XRCC5: variants seen among roughly 807,000 people sequenced by gnomAD.
XRCC5 encodes DNA repair protein Ku80.
Under a neutral mutation model 95.7 loss-of-function variants are expected in XRCC5, and 12 were observed. The ratio of observed to expected loss-of-function variants is 0.13; its 90% confidence interval spans 0.08 to 0.20. The LOEUF (loss-of-function observed/expected upper bound fraction) is 0.20, where lower values mean the gene tolerates loss of function less well. Among genes scored for constraint, XRCC5 ranks in the 10% least tolerant of loss-of-function variants. The pLI is 1.00. For missense variants in XRCC5, 595 were observed against 873.9 expected (o/e 0.68, Z 4.02); for synonymous variants, 281 against 290.3 (o/e 0.97, Z 0.33).
At chr2:216,188,964 G>A (rs1350005095) in intron 16 of XRCC5, among the ~76,000 whole-genome samples, 2 of 152,136 alleles carry the variant, frequency 1.3e-5, no homozygotes, top group Non-Finnish European at 2.9e-5. Flanking sequence ...GGGATGAAAC[G>A]GTTACTGGGG....
intron 16 of XRCC5, among the ~76,000 whole-genome samples, chr2:216,184,370 T>A (rs1278448861): frequency 6.6e-6 from 1 of 152,248 alleles, no homozygotes; most frequent in Non-Finnish European, 1.5e-5. Flanking sequence ...TTAAATATGC[T>A]TTTGAACTTC....
chr2:216,200,668 G>C (rs909051602), intron 19 of XRCC5, among the ~76,000 whole-genome samples: 7 of 152,154 alleles, frequency 4.6e-5, no homozygotes, highest in Middle Eastern at 3.4e-3. Flanking sequence ...AGCCTCCCTG[G>C]TACCTTCCTA....
intron 16 of XRCC5, among the ~76,000 whole-genome samples, chr2:216,162,671 T>A (rs1257586428): frequency 6.6e-6 from 1 of 152,084 alleles, no homozygotes; most frequent in East Asian, 1.9e-4. Context: ...GGATAACAGG[T>A]GTGAGCCATC....
intron 17 of XRCC5, among the ~76,000 whole-genome samples, chr2:216,192,244 T>C (rs1414193998): frequency 7.9e-5 from 12 of 152,192 alleles, no homozygotes; most frequent in Non-Finnish European, 1.8e-4. Context: ...TCTGCCCAGC[T>C]CAGCCTCCCA....
In XRCC5 at chr2:216,205,219, G is replaced by T. The variant is rs369047965; in HGVS notation, c.*17G>T. The T allele has an allele frequency of 6.2e-7, 1 of 1,613,946 alleles. No homozygotes were observed. The highest frequency in any genetic ancestry group is 8.5e-7 in the Non-Finnish European group (1 of 1,179,858). On this transcript the variant is annotated 3_prime_UTR_variant, in exon 21 of 21. Transcript: ENST00000392132. Reference sequence around the variant, plus strand: ...ATGATATAGGTCGTGGATGTATGGGGAATCTAAGAGAGCTGCCATCGCTGT... The same window carrying T: ...ATGATATAGGTCGTGGATGTATGGGTAATCTAAGAGAGCTGCCATCGCTGT...
intron 16 of XRCC5, among the ~76,000 whole-genome samples, chr2:216,165,946 T>C: frequency 6.6e-6 from 1 of 151,988 alleles, no homozygotes; most frequent in East Asian, 1.9e-4. Context: ...TAACTTCTGG[T>C]TTTCAGTGTG....
rs1697080638 is a variant in XRCC5 at position 216,136,368 on chromosome 2, A to AAAAAGAAAAG, written c.1114-717_1114-716insAGAAAAGAAA. On this transcript the variant is annotated intron_variant, in intron 10 of 20. Coordinates refer to ENST00000392132, the MANE Select transcript of XRCC5 (RefSeq NM_021141.4). The stretch of plus-strand genomic sequence containing the variant: ...CGAAACTGTGTCTCAAAAAAAAAAA[A>AAAAAGAAAAG]AAAGAAATAAAAGAATGTACAGATT... Among the ~76,000 whole-genome samples the AAAAAGAAAAG allele has an allele frequency of 1.0e-3, 6 of 5,744 alleles. 1 individual carries two copies. The South Asian group carries it at 0.021, about 20-fold the overall frequency. 3.8% of individuals were successfully genotyped at this position (5,744 alleles called of 152,430 possible). A position where few individuals can be genotyped will look rare whatever the true frequency, so the allele number is the denominator to read the frequency against.
At chr2:216,140,606 G>A (rs576238372) in intron 12 of XRCC5, among the ~76,000 whole-genome samples, 1 of 152,278 alleles carries the variant, frequency 6.6e-6, no homozygotes, top group Admixed American at 6.5e-5. Flanking sequence ...GGCAAGACAT[G>A]TACGCAGGTG....
At chr2:216,169,632 AC>A (rs1167616224) in intron 16 of XRCC5, among the ~76,000 whole-genome samples, 3 of 152,068 alleles carry the variant, frequency 2.0e-5, no homozygotes, top group Non-Finnish European at 4.4e-5. Context: ...GTGCGACTTA[AC>A]CCTTGCCTGG....
intron 1 of XRCC5, chr2:216,111,308 G>T (rs1313682273): frequency 2.5e-6 from 1 of 398,476 alleles, no homozygotes; most frequent in Non-Finnish European, 5.0e-6. Flanking sequence ...GATTGCTTAA[G>T]CCAAGGAGTT....
At chr2:216,122,980 A>G (rs1429341471) in intron 6 of XRCC5, among the ~76,000 whole-genome samples, 1 of 152,236 alleles carries the variant, frequency 6.6e-6, no homozygotes, top group Non-Finnish European at 1.5e-5. Flanking sequence ...CAAAGAACCT[A>G]AGAAGAATCG....
chr2:216,165,103 A>G (rs972171647), intron 16 of XRCC5, among the ~76,000 whole-genome samples: 6 of 152,264 alleles, frequency 3.9e-5, no homozygotes, highest in Admixed American at 6.5e-5. Context: ...GCATTTTCCC[A>G]AAGATCACAT....
intron 16 of XRCC5, among the ~76,000 whole-genome samples, chr2:216,163,890 A>G (rs970260551): frequency 6.6e-6 from 1 of 152,188 alleles, no homozygotes; most frequent in Non-Finnish European, 1.5e-5. Context: ...TGGTTTTGAG[A>G]TGGAAGAAGA....
intron 16 of XRCC5, among the ~76,000 whole-genome samples, chr2:216,186,376 C>G (rs1689492113): frequency 6.6e-6 from 1 of 152,122 alleles, no homozygotes; most frequent in African/African-American, 2.4e-5. Flanking sequence ...ATGTGTATTT[C>G]AGATTAAACA....
chr2:216,174,941 A>AACC (rs972891194), intron 16 of XRCC5: 23 of 333,344 alleles, frequency 6.9e-5, no homozygotes, highest in African/African-American at 1.7e-4. Context: ...CCAGATCCGT[A>AACC]ACCACCACCA....
chr2:216,147,957 G>C (rs1688670853), intron 13 of XRCC5, 126 bp from the exon 14 acceptor site: 1 of 1,041,052 alleles, frequency 9.6e-7, no homozygotes, highest in Admixed American at 2.5e-5. Context: ...CCTCTTGATT[G>C]TTTTTTACAT....
At chr2:216,171,419 C>T (rs1376520183) in intron 16 of XRCC5, among the ~76,000 whole-genome samples, 3 of 152,200 alleles carry the variant, frequency 2.0e-5, no homozygotes, top group African/African-American at 7.2e-5. Context: ...AGAATATTAC[C>T]AGCTTAGATG....
At chr2:216,187,713 A>G (rs917652027) in intron 16 of XRCC5, among the ~76,000 whole-genome samples, 2 of 148,726 alleles carry the variant, frequency 1.3e-5, no homozygotes, top group African/African-American at 5.0e-5. Context: ...TTTATGCAGT[A>G]GTTTGGACAC....
chr2:216,188,467 T>A (rs913745936), intron 16 of XRCC5, among the ~76,000 whole-genome samples: 2 of 152,252 alleles, frequency 1.3e-5, no homozygotes, highest in Admixed American at 1.3e-4. Flanking sequence ...AAGTATATAC[T>A]ATCAAACAAA....
Sources: gnomAD v4.1 joint callset for allele counts (sites outside exome capture counted in the v4.1 genomes callset) on GRCh38, gnomAD v4.1.1 for gene constraint, MANE v1.5 for transcripts, NCBI Gene and HGNC (gene_info 2026-07-23, HGNC 2026-07-21) for gene names.